CACNA2D4: variants seen among roughly 807,000 people sequenced by gnomAD.
CACNA2D4 encodes voltage-dependent calcium channel subunit alpha-2/delta-4.
CACNA2D4 carries 157 observed loss-of-function variants against 163.8 expected under a neutral mutation model. That is an observed-to-expected ratio of 0.96 (90% CI 0.84 to 1.09). The LOEUF (loss-of-function observed/expected upper bound fraction) is 1.09, where lower values mean the gene tolerates loss of function less well. Among genes scored for constraint, CACNA2D4 ranks in the 50% least tolerant of loss-of-function variants. CACNA2D4 has a pLI of 0.00. For synonymous variants in CACNA2D4, 598 were observed against 586.9 expected, an observed-to-expected ratio of 1.02 and a Z score of -0.27; for missense variants, 1,410 against 1,479.9, an observed-to-expected ratio of 0.95 and a Z score of 0.78.
chr12:1,795,063 GAAAT>G, intron 37 of CACNA2D4: 1 of 584,074 alleles, frequency 1.7e-6, no homozygotes, highest in Non-Finnish European at 3.1e-6. Context: ...CCCTAATCAG[GAAAT>G]AACAAGCGTT....
chr12:1,910,500 G>A (rs993438675), intron 3 of CACNA2D4, among the ~76,000 whole-genome samples: 3 of 152,170 alleles, frequency 2.0e-5, no homozygotes, highest in African/African-American at 7.2e-5. Flanking sequence ...TATGGAAACT[G>A]TACTTTCTTC....
At chr12:1,864,245 G>T (rs567124352) in intron 18 of CACNA2D4, among the ~76,000 whole-genome samples, 1 of 152,332 alleles carries the variant, frequency 6.6e-6, no homozygotes, top group Admixed American at 6.5e-5. Flanking sequence ...AAATCTGAGT[G>T]CAGCAAAGAA....
At chr12:1,825,930 A>G (rs1187389193) in intron 26 of CACNA2D4, among the ~76,000 whole-genome samples, 2 of 152,140 alleles carry the variant, frequency 1.3e-5, no homozygotes, top group Non-Finnish European at 1.5e-5. Flanking sequence ...GACATTCTTG[A>G]CTGAGTAAGA....
intron 19 of CACNA2D4, among the ~76,000 whole-genome samples, chr12:1,859,319 G>A (rs1051661784): frequency 6.6e-6 from 1 of 152,030 alleles, no homozygotes; most frequent in Non-Finnish European, 1.5e-5. Context: ...TTTGTGCCAC[G>A]GCACTTCAGC....
chr12:1,896,654 C>CACACACACAAAA (rs1555186444), intron 6 of CACNA2D4, among the ~76,000 whole-genome samples: 1 of 123,902 alleles, frequency 8.1e-6, no homozygotes, highest in African/African-American at 3.0e-5. Flanking sequence ...CACACACACA[C>CACACACACAAAA]AAAACAGATG....
rs1428292829 is a variant in CACNA2D4, at chr12:1,829,121, T to A, written c.2551+11618A>T. Among the ~76,000 whole-genome samples, 1 of 152,136 alleles carries A rather than the reference T, an allele frequency of 6.6e-6. No individual in the cohort carries two copies. The highest frequency in any genetic ancestry group is 2.4e-5 in the African/African-American group (1 of 41,418). ...CAACACCTCGCAATACGGGCTTATGTTTTCTTGTCACTGGAGCTTTTATGC... is the reference window on the plus strand; with the variant it reads ...CAACACCTCGCAATACGGGCTTATGATTTCTTGTCACTGGAGCTTTTATGC... On this transcript the variant is annotated intron_variant, in intron 26 of 37. Transcript: ENST00000382722. This position sits in a 1 kb window ranked among gnomAD's most constrained non-coding sequence, Gnocchi z 4.2.
At chr12:1,857,839 G>C (rs557868359) in intron 20 of CACNA2D4, among the ~76,000 whole-genome samples, 2 of 152,302 alleles carry the variant, frequency 1.3e-5, no homozygotes, top group Admixed American at 1.3e-4. Flanking sequence ...TTTGGAAATA[G>C]GGTCTTGGCA....
chr12:1,913,786 C>A (rs767597764), intron 2 of CACNA2D4, among the ~76,000 whole-genome samples: 1 of 152,216 alleles, frequency 6.6e-6, no homozygotes, highest in African/African-American at 2.4e-5. Context: ...TCTATTCACC[C>A]AGCTCTGCAA....
chr12:1,825,725 G>T, intron 26 of CACNA2D4, among the ~76,000 whole-genome samples: 1 of 152,220 alleles, frequency 6.6e-6, no homozygotes, highest in Non-Finnish European at 1.5e-5. Context: ...GGAGGCCTGT[G>T]TGTGTGCCCT....
rs907285046 is a variant in CACNA2D4 at position 1,883,547 on chromosome 12, A to G, written c.1352-547T>C. Among the ~76,000 whole-genome samples, 5 of 151,814 alleles carry G rather than the reference A, an allele frequency of 3.3e-5. No individual in the cohort carries two copies. The highest frequency in any genetic ancestry group is 1.2e-4 in the African/African-American group (5 of 41,298). ...GCAGAAGGCTGTGAATGGCCTCTCC[A>G]CGCCCCCACCTCCCACCGTGTTCAT... On this transcript the variant is annotated intron_variant, in intron 12 of 37. Transcript: ENST00000382722. This position sits in a 1 kb window ranked among gnomAD's most constrained non-coding sequence, Gnocchi z 4.5.
chr12:1,853,976 T>C lies in CACNA2D4; in HGVS notation c.2221A>G (p.Thr741Ala). The C allele has an allele frequency of 6.2e-7, 1 of 1,613,340 alleles. No homozygotes were observed. The highest frequency in any genetic ancestry group is 1.3e-5 in the African/African-American group (1 of 74,986). The change falls in exon 23 of 38, where the codon ACA becomes GCA. Residue 741 changes from threonine (T) to alanine (A), a missense_variant. Transcript: ENST00000382722. Reference sequence around the variant, plus strand: ...TCGGACATGTTGAGGGCCAGCGCTGTCCAGTAGGCTTCCATGGGGGCTGTC... The same window carrying C: ...TCGGACATGTTGAGGGCCAGCGCTGCCCAGTAGGCTTCCATGGGGGCTGTC... ...VVTAPMEAYW[T>A]ALALNMSEES...
At chr12:1,795,855 A>G (rs1319120175) in intron 35 of CACNA2D4, 75 bp from the exon 36 acceptor site, 11 of 968,048 alleles carry the variant, frequency 1.1e-5, no homozygotes, top group Admixed American at 1.7e-5. Flanking sequence ...GAACTTCTGG[A>G]GACTTTAGTG....
At chr12:1,811,220 G>A (rs1367048251) in intron 27 of CACNA2D4, among the ~76,000 whole-genome samples, 1 of 152,196 alleles carries the variant, frequency 6.6e-6, no homozygotes, top group Non-Finnish European at 1.5e-5. Flanking sequence ...AAGCCCAGAG[G>A]GACCTGAGGG....
rs1477473101 is a variant in CACNA2D4 at position 1,903,583 on chromosome 12, GAAGA to G, written c.781+3853_781+3856del. On this transcript the variant is annotated intron_variant, in intron 6 of 37. Coordinates refer to ENST00000382722, the MANE Select transcript of CACNA2D4 (RefSeq NM_172364.5). ...AAATCTGAATGTACGTGTCTCAAAA[GAAGA>G]AAGACAAATGGCAAACAGGTATATA... Among the ~76,000 whole-genome samples, 3 of 151,912 alleles carry G rather than the reference GAAGA, an allele frequency of 2.0e-5. No homozygotes were observed. The South Asian group carries it at 6.2e-4, about 31-fold the overall frequency.
intron 26 of CACNA2D4, among the ~76,000 whole-genome samples, chr12:1,840,245 T>C (rs68174430): frequency 0.069 from 10,564 of 152,108 alleles, 534 homozygotes; most frequent in Non-Finnish European, 0.1. Flanking sequence ...TTTATGATGA[T>C]GACGATGATT....
intron 26 of CACNA2D4, among the ~76,000 whole-genome samples, chr12:1,812,994 G>T (rs1368315262): frequency 6.6e-6 from 1 of 152,142 alleles, no homozygotes; most frequent in Admixed American, 6.5e-5. Flanking sequence ...TTTCACTCTG[G>T]AATGATCTTA....
chr12:1,793,585 G>C lies in CACNA2D4; in HGVS notation c.*70C>G. The C allele has an allele frequency of 7.3e-7, 1 of 1,365,914 alleles. No individual in the cohort carries two copies. Among genetic ancestry groups the C allele is most frequent in the Admixed American group, 1.7e-5 (1 of 58,738 alleles). The allele number at this position is 1,365,914 out of a possible 1,614,324, so 84.6% of individuals were successfully genotyped here. ...CCAACTGCAGTTAGCTGCATCCCAT[G>C]TCAGTGCTGACTTTTTGGGATGGCT... On this transcript the variant is annotated 3_prime_UTR_variant, in exon 38 of 38. Coordinates refer to ENST00000382722, the MANE Select transcript of CACNA2D4 (RefSeq NM_172364.5).
In CACNA2D4 at chr12:1,917,167, G is replaced by A. The variant is rs1867006937; in HGVS notation, c.227+1080C>T. 6.6e-6 allele frequency among the ~76,000 whole-genome samples: 1 copy of A among 152,186 alleles called. No individual in the cohort carries two copies. Among genetic ancestry groups the A allele is most frequent in the South Asian group, 2.1e-4 (1 of 4,830 alleles). On this transcript the variant is annotated intron_variant, in intron 1 of 37. Transcript: ENST00000382722. The surrounding 1 kb of genome is among the most constrained non-coding windows in gnomAD (Gnocchi z 4.3). ...CTTCACTTCCTGGCCTTGTGAACTT[G>A]GGGAAGTCACCTGACCTCTCGGGGC...
chr12:1,877,086 G>T (rs901506937), intron 16 of CACNA2D4, among the ~76,000 whole-genome samples: 1 of 152,136 alleles, frequency 6.6e-6, no homozygotes, highest in Non-Finnish European at 1.5e-5. Context: ...GTCCTGTGTG[G>T]TATTATTCCC....
Sources: allele counts gnomAD v4.1 joint callset (sites outside exome capture counted in the v4.1 genomes callset), GRCh38; gene constraint gnomAD v4.1.1; non-coding constraint Gnocchi (gnomAD v3.1); transcripts MANE v1.5; gene names NCBI Gene and HGNC (gene_info 2026-07-23, HGNC 2026-07-21).